Variants in OSBPL9 observed in about 807,000 individuals in gnomAD.
OSBPL9 encodes the protein oxysterol-binding protein-related protein 9.
Under a neutral mutation model 106.6 loss-of-function variants are expected in OSBPL9, and 40 were observed. That is an observed-to-expected ratio of 0.38 (90% CI 0.29 to 0.49). The LOEUF is 0.49. Among genes scored for constraint, OSBPL9 ranks in the 20% least tolerant of loss-of-function variants. The pLI, the probability that OSBPL9 is intolerant of heterozygous loss-of-function variation, is 0.97. For synonymous variants in OSBPL9, 269 were observed against 295.4 expected (o/e 0.91, Z 0.92); for missense variants, 609 against 887.2 (o/e 0.69, Z 3.98).
At chr1:51,740,848 C>G (rs1666750872) in intron 4 of OSBPL9, among the ~76,000 whole-genome samples, 1 of 152,128 alleles carries the variant, frequency 6.6e-6, no homozygotes. Context: ...CTCCACTGTT[C>G]ATTACTCTTC....
At chr1:51,612,349 A>G (rs1157582372), upstream of OSBPL9, among the ~76,000 whole-genome samples, 1 of 152,198 alleles carries the variant, frequency 6.6e-6, no homozygotes, top group African/African-American at 2.4e-5. Flanking sequence ...GAATGGCAGG[A>G]TGAATCTGTC....
chr1:51,749,316 T>C (rs943143312), intron 7 of OSBPL9, among the ~76,000 whole-genome samples: 6 of 152,036 alleles, frequency 3.9e-5, no homozygotes, highest in Non-Finnish European at 5.9e-5. Flanking sequence ...TCAAAGTCTT[T>C]TTATTTTTTT....
chr1:51,628,267 C>T (rs970633418), intron 1 of OSBPL9, among the ~76,000 whole-genome samples: 1 of 152,182 alleles, frequency 6.6e-6, no homozygotes, highest in Non-Finnish European at 1.5e-5. Flanking sequence ...TCATTTTATA[C>T]ATGATATTCT....
At chr1:51,585,300 G>A (rs1036640984) in intron 1 of OSBPL9, among the ~76,000 whole-genome samples, 1 of 152,094 alleles carries the variant, frequency 6.6e-6, no homozygotes, top group African/African-American at 2.4e-5. Context: ...TTACCACTCA[G>A]CAGCTATGTG....
intron 1 of OSBPL9, among the ~76,000 whole-genome samples, chr1:51,643,013 C>A (rs760383173): frequency 6.6e-6 from 1 of 152,178 alleles, no homozygotes; most frequent in Non-Finnish European, 1.5e-5. Flanking sequence ...TATTTTGGCT[C>A]ATGGTTTTAG....
intron 1 of OSBPL9, among the ~76,000 whole-genome samples, chr1:51,628,319 G>T (rs938481180): frequency 6.6e-6 from 1 of 152,028 alleles, no homozygotes; most frequent in Non-Finnish European, 1.5e-5. Context: ...GTAAGTTATT[G>T]TACCATTTTG....
rs553524191 is a variant in OSBPL9, at chr1:51,603,146, C to A, written c.-353+4953C>A. 1.3e-3 allele frequency among the ~76,000 whole-genome samples: 194 copies of A among 152,164 alleles called. 1 individual carries two copies. In the Middle Eastern group the frequency reaches 0.041, roughly 32 times the overall value. The stretch of plus-strand genomic sequence containing the variant: ...CTCCAGCCTGGGCAACAGAGTGAGA[C>A]CCTGTCTCAAAACAAAAACAAAAAA... On this transcript the variant is annotated intron_variant, in intron 2 of 25. Coordinates refer to the OSBPL9 transcript ENST00000371714.
chr1:51,768,034 C>T (rs1185806172), intron 12 of OSBPL9, among the ~76,000 whole-genome samples: 1 of 148,864 alleles, frequency 6.7e-6, no homozygotes, highest in Non-Finnish European at 1.5e-5. Context: ...CTCCGCCTCC[C>T]GGGTTCACGC....
rs12094410 is a variant in OSBPL9 at position 51,727,297 on chromosome 1, A to T, written c.318+13218A>T. On this transcript the variant is annotated intron_variant, in intron 4 of 23. Transcript: ENST00000428468. ...TGACCATGGACATCTGGCAAAATTGATGTTTTTTTTCCCCTCCACCATTGT... is the reference window on the plus strand; with the variant it reads ...TGACCATGGACATCTGGCAAAATTGTTGTTTTTTTTCCCCTCCACCATTGT... Among the ~76,000 whole-genome samples, 494 of 152,274 alleles carry T rather than the reference A, an allele frequency of 3.2e-3. 2 individuals are homozygous for T. The highest frequency in any genetic ancestry group is 0.011 in the African/African-American group (472 of 41,554).
chr1:51,625,699 T>C (rs1317639021), intron 1 of OSBPL9, among the ~76,000 whole-genome samples: 1 of 152,088 alleles, frequency 6.6e-6, no homozygotes, highest in Non-Finnish European at 1.5e-5. Context: ...ACTTTTTGTA[T>C]TTTTGGTAGA....
At chr1:51,525,676 CT>C in the OSBPL9 span, among the ~76,000 whole-genome samples, 1 of 152,218 alleles carries the variant, frequency 6.6e-6, no homozygotes, top group African/African-American at 2.4e-5. Flanking sequence ...CTACCATGGC[CT>C]TTCTCTTGGA....
At chr1:51,786,683 G>A in intron 22 of OSBPL9, 66 bp downstream of exon 22, 2 of 1,368,476 alleles carry the variant, frequency 1.5e-6, no homozygotes, top group South Asian at 2.4e-5. Flanking sequence ...CGTAGGCACA[G>A]GGCTGGGTTT....
chr1:51,772,831 C>T, intron 14 of OSBPL9, 108 bp downstream of exon 14: 1 of 785,510 alleles, frequency 1.3e-6, no homozygotes, highest in Non-Finnish European at 2.2e-6. Flanking sequence ...CTTTTTATAC[C>T]TGTGTCTTCT....
chr1:51,567,968 C>T, the OSBPL9 span: 1 of 152,228 alleles, frequency 6.6e-6, no homozygotes, highest in Non-Finnish European at 1.5e-5. Context: ...ATAGATGGCA[C>T]AATCAAATTT....
chr1:51,540,379 G>A, the OSBPL9 span, among the ~76,000 whole-genome samples: 2 of 152,054 alleles, frequency 1.3e-5, no homozygotes, highest in East Asian at 1.9e-4. Flanking sequence ...TTTGTTAGCC[G>A]GGCGTGGTGG....
At position 51,772,732 on chromosome 1, in the gene OSBPL9, A is replaced by C. The variant is rs913979214; in HGVS notation, c.1170+9A>C. ...GAATGGATCTTACTAAGGTAAGACC[A>C]AATTTGCTGTAAGTCTGTGTGGGTA... On this transcript the variant is annotated intron_variant, in intron 14 of 23. Transcript: ENST00000428468. 2 of 1,586,680 alleles carry C rather than the reference A, an allele frequency of 1.3e-6. No individual in the cohort carries two copies. Among genetic ancestry groups the C allele is most frequent in the African/African-American group, 2.7e-5 (2 of 74,404 alleles).
the OSBPL9 span, among the ~76,000 whole-genome samples, chr1:51,559,025 A>G: frequency 6.6e-6 from 1 of 152,222 alleles, no homozygotes; most frequent in Non-Finnish European, 1.5e-5. Context: ...ACCAAAGAAA[A>G]AAAGGTAAAG....
intron 1 of OSBPL9, among the ~76,000 whole-genome samples, chr1:51,621,621 A>G (rs754128171): frequency 6.6e-6 from 1 of 152,178 alleles, no homozygotes; most frequent in Non-Finnish European, 1.5e-5. Context: ...AGTCTGTTCA[A>G]TTTCCTAGAA....
At chr1:51,607,499 TG>T (rs1446118550) in intron 2 of OSBPL9, among the ~76,000 whole-genome samples, 3 of 152,184 alleles carry the variant, frequency 2.0e-5, no homozygotes, top group Admixed American at 6.5e-5. Flanking sequence ...TGTAATCTTC[TG>T]GGTAGATAGG....
Sources: allele counts gnomAD v4.1 joint callset (sites outside exome capture counted in the v4.1 genomes callset), GRCh38; gene constraint gnomAD v4.1.1; transcripts MANE v1.5; gene names NCBI Gene and HGNC (gene_info 2026-07-23, HGNC 2026-07-21).